RNF14: variants seen among roughly 807,000 people sequenced by gnomAD.
RNF14 encodes E3 ubiquitin-protein ligase RNF14.
Under a neutral mutation model 52.6 loss-of-function variants are expected in RNF14, and 26 were observed. The observed-to-expected ratio is 0.49, with a 90% CI of 0.36 to 0.69. RNF14 has a LOEUF of 0.69. RNF14 is among the 30% of genes least tolerant of loss of function. The pLI is 0.00. For missense variants in RNF14, 404 were observed against 560.4 expected, an observed-to-expected ratio of 0.72 and a Z score of 2.82; for synonymous variants, 194 against 202.0, an observed-to-expected ratio of 0.96 and a Z score of 0.34.
Position 141,984,792 on chromosome 5 carries a change from C to T in RNF14, c.1237-11C>T. The T allele has an allele frequency of 6.2e-7, 1 of 1,613,368 alleles. No individual in the cohort carries two copies. Among genetic ancestry groups the T allele is most frequent in the Non-Finnish European group, 8.5e-7 (1 of 1,179,432 alleles). ...GCCTTGATATTTTTCTCTTTCTATC[C>T]TTCCCACCAGAAATTAGACGGATGT... is the stretch of plus-strand genomic sequence containing the variant. On this transcript the variant is annotated splice_polypyrimidine_tract_variant and intron_variant, in intron 7 of 8. Transcript: ENST00000394520.
chr5:141,955,512 C>T (rs1028604061), upstream of RNF14: 1 of 1,614,078 alleles, frequency 6.2e-7, no homozygotes, highest in African/African-American at 1.3e-5. The surrounding 1 kb of genome is among the most constrained non-coding windows in gnomAD (Gnocchi z 5.5). Context: ...GACCCCTGAG[C>T]ACAGGCACGA....
At position 141,988,774 on chromosome 5, in the gene RNF14, C is replaced by G. The variant is rs1259257311; in HGVS notation, c.*984C>G. On this transcript the variant is annotated 3_prime_UTR_variant, in exon 9 of 9. Coordinates refer to ENST00000394520, the MANE Select transcript of RNF14 (RefSeq NM_004290.5). The stretch of plus-strand genomic sequence containing the variant: ...ATAGTGACAGTATAACCTGTCTATA[C>G]TACAGTAGTTCCAGTCCTAACTTTC... 6.6e-6 allele frequency: 1 copy of G among 152,296 alleles called. No homozygotes were observed. Among genetic ancestry groups the G allele is most frequent in the African/African-American group, 2.4e-5 (1 of 41,428 alleles). The allele number at this position is 152,296 out of a possible 1,614,324, so 9.4% of individuals were successfully genotyped here. A position where few individuals can be genotyped will look rare whatever the true frequency, so the allele number is the denominator to read the frequency against.
At chr5:141,964,919 G>A (rs532289552), upstream of RNF14, among the ~76,000 whole-genome samples, 225 of 151,702 alleles carry the variant, frequency 1.5e-3, no homozygotes, top group Non-Finnish European at 2.5e-3. Context: ...GAGCCACCAC[G>A]CCTGGCCTGA....
upstream of RNF14, chr5:141,956,794 T>C: frequency 6.2e-7 from 1 of 1,614,248 alleles, no homozygotes; most frequent in South Asian, 1.1e-5. Context: ...CCATGTGACG[T>C]GGATGCTTGG....
upstream of RNF14, chr5:141,957,147 C>G (rs185425542): frequency 1.3e-5 from 21 of 1,613,988 alleles, no homozygotes; most frequent in Non-Finnish European, 1.8e-5. This position sits in a 1 kb window ranked among gnomAD's most constrained non-coding sequence, Gnocchi z 4.3. Context: ...CATTGGAGTC[C>G]AAGACGTTGA....
the RNF14 span, chr5:141,949,646 C>T: frequency 5.8e-6 from 9 of 1,553,712 alleles, 1 homozygote; most frequent in Admixed American, 1.7e-4. Context: ...TTCATTCATG[C>T]CCATTCATGT....
chr5:141,962,469 C>T (rs547922794), upstream of RNF14, among the ~76,000 whole-genome samples: 1 of 152,286 alleles, frequency 6.6e-6, no homozygotes, highest in East Asian at 1.9e-4. Context: ...CAGTTCCGCA[C>T]CCTTCATTTG....
At position 141,978,406 on chromosome 5, in the gene RNF14, A is replaced by G; in HGVS notation, c.410A>G (p.Tyr137Cys). The change falls in exon 5 of 9, where the codon TAC becomes TGC. Residue 137 changes from tyrosine (Y) to cysteine (C), a missense_variant. Coordinates refer to ENST00000394520, the MANE Select transcript of RNF14 (RefSeq NM_004290.5). ...MQFLKEETLA[Y>C]LNIVSPFELK... ...TTTCTTAAGGAAGAGACCCTAGCAT[A>G]CTTGAATATTGTCTCTCCTTTTGAG... 6.2e-7 allele frequency: 1 copy of G among 1,614,230 alleles called. No homozygotes were observed. Among genetic ancestry groups the G allele is most frequent in the South Asian group, 1.1e-5 (1 of 91,086 alleles).
At chr5:141,957,983 C>A, upstream of RNF14, 3 of 1,029,472 alleles carry the variant, frequency 2.9e-6, no homozygotes, top group Middle Eastern at 5.8e-4. This position sits in a 1 kb window ranked among gnomAD's most constrained non-coding sequence, Gnocchi z 4.3. Flanking sequence ...CAACCTTGTC[C>A]CATAGTTAGA....
intron 1 of RNF14, among the ~76,000 whole-genome samples, chr5:141,969,959 A>G (rs886994520): frequency 3.3e-5 from 5 of 152,250 alleles, no homozygotes; most frequent in Non-Finnish European, 1.5e-5. Context: ...ACTCCCACCT[A>G]GTAAAATAAG....
At chr5:141,985,077 TA>T in intron 8 of RNF14, 144 bp downstream of exon 8, 1 of 753,812 alleles carries the variant, frequency 1.3e-6, no homozygotes, top group Non-Finnish European at 2.1e-6. Context: ...ATTTTCATAT[TA>T]TTTTCTCAAA....
In RNF14 at chr5:141,980,335, A is replaced by C; in HGVS notation, c.1047A>C (p.Pro349=). The C allele has an allele frequency of 6.2e-7, 1 of 1,613,894 alleles. No homozygotes were observed. The highest frequency in any genetic ancestry group is 8.5e-7 in the Non-Finnish European group (1 of 1,179,924). ...LCRLTYHGVS[P]CKVTAEKLMD... ...GGTTGACCTACCATGGGGTCTCCCC[A>C]TGTAAGGTGACTGCAGGTATGTTTT... is the stretch of plus-strand genomic sequence containing the variant. The change falls in exon 6 of 9, where the codon CCA becomes CCC. Residue 349 remains proline (P), a synonymous_variant. Coordinates refer to ENST00000394520, the MANE Select transcript of RNF14 (RefSeq NM_004290.5).
intron 7 of RNF14, among the ~76,000 whole-genome samples, chr5:141,983,897 T>C (rs905493572): frequency 6.6e-6 from 1 of 152,198 alleles, no homozygotes; most frequent in Non-Finnish European, 1.5e-5. Context: ...CTATTTATCC[T>C]GGAATGCTGC....
At chr5:141,963,972 C>CCA (rs1753295850), upstream of RNF14, among the ~76,000 whole-genome samples, 1 of 152,160 alleles carries the variant, frequency 6.6e-6, no homozygotes, top group Non-Finnish European at 1.5e-5. Flanking sequence ...TTCCTCCTTA[C>CCA]AGAGCCATGT....
chr5:141,979,095 T>G (rs1561552417), intron 5 of RNF14, among the ~76,000 whole-genome samples: 1 of 152,252 alleles, frequency 6.6e-6, no homozygotes, highest in Non-Finnish European at 1.5e-5. Context: ...GTATATCTGC[T>G]AGTAGGATCC....
intron 8 of RNF14, 108 bp from the exon 9 acceptor site, chr5:141,987,625 A>G (rs542011134): frequency 3.8e-6 from 4 of 1,050,416 alleles, no homozygotes; most frequent in Non-Finnish European, 5.9e-6. Context: ...AGGAGAAGAA[A>G]AGATGTACAA....
intron 1 of RNF14, among the ~76,000 whole-genome samples, chr5:141,960,148 C>T (rs1753248549): frequency 2.0e-5 from 3 of 152,164 alleles, no homozygotes; most frequent in Admixed American, 2.0e-4. Flanking sequence ...AGCTCAGGGA[C>T]ACAAGGGTGC....
chr5:141,980,249 G>C lies in RNF14; in HGVS notation c.961G>C (p.Glu321Gln). Residue 321 changes from glutamate (E) to glutamine (Q), a missense_variant, in exon 6 of 9, where the codon GAA (glutamate) becomes CAA (glutamine). By Grantham distance (29) the Glu-to-Gln change is conservative. Transcript: ENST00000394520. ...GTGCTGCCAGCTGCCTGTGATGCAG[G>C]AACCTGGCTGCACCATGGGTATCTG... is the stretch of plus-strand genomic sequence containing the variant. ...RPCCQLPVMQEPGCTMGICSS... is the reference protein window; with the variant it reads ...RPCCQLPVMQQPGCTMGICSS... The C allele has an allele frequency of 6.2e-7, 1 of 1,614,246 alleles. No homozygotes were observed. Among genetic ancestry groups the C allele is most frequent in the Non-Finnish European group, 8.5e-7 (1 of 1,180,050 alleles).
At chr5:141,955,007 C>A (rs141990944), upstream of RNF14, 5 of 1,613,982 alleles carry the variant, frequency 3.1e-6, no homozygotes, top group East Asian at 8.9e-5. This position sits in a 1 kb window ranked among gnomAD's most constrained non-coding sequence, Gnocchi z 5.5. Context: ...AGCTCCTCCA[C>A]GGGGTTCCGC....
Sources: allele counts gnomAD v4.1 joint callset (sites outside exome capture counted in the v4.1 genomes callset), GRCh38; gene constraint gnomAD v4.1.1; non-coding constraint Gnocchi (gnomAD v3.1); transcripts MANE v1.5; gene names NCBI Gene and HGNC (gene_info 2026-07-23, HGNC 2026-07-21).